UBE2H: variants seen among roughly 807,000 people sequenced by gnomAD.
The protein encoded by UBE2H is ubiquitin-conjugating enzyme E2 H.
Under a neutral mutation model 29.0 loss-of-function variants are expected in UBE2H, and 3 were observed. That is an observed-to-expected ratio of 0.10 (90% CI 0.05 to 0.27). The LOEUF is 0.27. UBE2H is among the 10% of genes least tolerant of loss of function. UBE2H has a pLI of 1.00. For missense variants in UBE2H, 68 were observed against 228.2 expected (o/e 0.30, Z 4.52); for synonymous variants, 69 against 82.9 (o/e 0.83, Z 0.91).
At chr7:129,907,067 G>A (rs879704546) in intron 1 of UBE2H, among the ~76,000 whole-genome samples, 3 of 152,012 alleles carry the variant, frequency 2.0e-5, no homozygotes, top group Non-Finnish European at 2.9e-5. Context: ...CTGAATTTGC[G>A]ACTCACTGAG....
intron 1 of UBE2H, among the ~76,000 whole-genome samples, chr7:129,928,534 T>A (rs1807319763): frequency 6.6e-6 from 1 of 151,966 alleles, no homozygotes; most frequent in Non-Finnish European, 1.5e-5. Context: ...ACTCGGGAGG[T>A]GGAGGTTGCA....
At chr7:129,947,702 G>A (rs1807792755) in intron 1 of UBE2H, among the ~76,000 whole-genome samples, 1 of 152,046 alleles carries the variant, frequency 6.6e-6, no homozygotes, top group African/African-American at 2.4e-5. Context: ...TACTCAAAAA[G>A]GCACTACACA....
chr7:129,874,635 TA>T (rs1806110776), intron 3 of UBE2H, among the ~76,000 whole-genome samples: 1 of 152,180 alleles, frequency 6.6e-6, no homozygotes, highest in South Asian at 2.1e-4. Context: ...AAGACTTTTA[TA>T]TTTTTTTTCC....
At chr7:129,879,168 G>A (rs1287699816) in intron 3 of UBE2H, among the ~76,000 whole-genome samples, 1 of 152,176 alleles carries the variant, frequency 6.6e-6, no homozygotes, top group Non-Finnish European at 1.5e-5. Flanking sequence ...AAAAAGCAAA[G>A]TAGGATCTAG....
At chr7:129,843,837 A>T (rs1332573545) in intron 5 of UBE2H, among the ~76,000 whole-genome samples, 1 of 152,242 alleles carries the variant, frequency 6.6e-6, no homozygotes, top group African/African-American at 2.4e-5. Context: ...CAAAAGGATT[A>T]GCAGCTGGAT....
chr7:129,855,274 A>G (rs1805684061), intron 5 of UBE2H, among the ~76,000 whole-genome samples: 1 of 152,228 alleles, frequency 6.6e-6, no homozygotes, highest in Non-Finnish European at 1.5e-5. Context: ...CAATGGTAAA[A>G]GCTTTAGCAA....
In UBE2H at chr7:129,833,864, C is replaced by T. The variant is rs1173215320; in HGVS notation, c.*1073G>A. The T allele has an allele frequency of 6.6e-6, 1 of 152,156 alleles. No homozygotes were observed. The highest frequency in any genetic ancestry group is 1.5e-5 in the Non-Finnish European group (1 of 68,044). The allele number at this position is 152,156 out of a possible 1,614,324, so 9.4% of individuals were successfully genotyped here. On this transcript the variant is annotated 3_prime_UTR_variant, in exon 7 of 7. Coordinates refer to ENST00000355621, the MANE Select transcript of UBE2H (RefSeq NM_003344.4). ...AGAAAAAGGGAAAACCAAACCAGAACATGAAGGCAAGTACCCAGGGCTTTG... is the reference window on the plus strand; with the variant it reads ...AGAAAAAGGGAAAACCAAACCAGAATATGAAGGCAAGTACCCAGGGCTTTG...
intron 1 of UBE2H, among the ~76,000 whole-genome samples, chr7:129,949,567 GATT>G (rs1412262011): frequency 1.3e-5 from 2 of 152,244 alleles, no homozygotes; most frequent in African/African-American, 2.4e-5. Flanking sequence ...TCACCCAGCA[GATT>G]ATTAAGTGCA....
At chr7:129,911,958 A>G (rs1001363383) in intron 1 of UBE2H, among the ~76,000 whole-genome samples, 3 of 152,094 alleles carry the variant, frequency 2.0e-5, no homozygotes, top group Admixed American at 2.0e-4. Flanking sequence ...ATCATTTTAT[A>G]GCAAAGGATG....
chr7:129,867,899 C>A (rs986094878), intron 3 of UBE2H, among the ~76,000 whole-genome samples: 16 of 152,000 alleles, frequency 1.1e-4, no homozygotes, highest in Non-Finnish European at 2.1e-4. Context: ...ATCTCAGCCT[C>A]ATTTTTTTCC....
At chr7:129,851,674 C>A (rs966783516) in intron 5 of UBE2H, among the ~76,000 whole-genome samples, 1 of 152,186 alleles carries the variant, frequency 6.6e-6, no homozygotes, top group African/African-American at 2.4e-5. Flanking sequence ...AGAGCCATAC[C>A]CTGGCTGGCT....
At chr7:129,905,854 A>G (rs1806805299) in intron 1 of UBE2H, among the ~76,000 whole-genome samples, 1 of 152,144 alleles carries the variant, frequency 6.6e-6, no homozygotes, top group Admixed American at 6.6e-5. Flanking sequence ...GCTACTCAGA[A>G]GGCCAAAGCA....
chr7:129,942,402 G>A (rs182550580), intron 1 of UBE2H, among the ~76,000 whole-genome samples: 233 of 152,096 alleles, frequency 1.5e-3, no homozygotes, highest in Non-Finnish European at 2.8e-3. Context: ...CAGGAGAATC[G>A]CTTGAACCTG....
intron 5 of UBE2H, among the ~76,000 whole-genome samples, chr7:129,852,235 G>C (rs957489167): frequency 2.0e-5 from 3 of 152,182 alleles, no homozygotes; most frequent in African/African-American, 7.2e-5. Flanking sequence ...GCCAAAATCT[G>C]AATTATTTGG....
intron 1 of UBE2H, among the ~76,000 whole-genome samples, chr7:129,886,607 G>A (rs976968756): frequency 6.6e-6 from 1 of 151,932 alleles, no homozygotes; most frequent in Non-Finnish European, 1.5e-5. Context: ...AAGGGAATGA[G>A]GTCCTGGCAT....
At chr7:129,864,053 A>G (rs1003164415) in intron 3 of UBE2H, among the ~76,000 whole-genome samples, 3 of 152,282 alleles carry the variant, frequency 2.0e-5, no homozygotes, top group East Asian at 3.9e-4. Flanking sequence ...TCAGCCTCCA[A>G]AAGTGTGGGG....
chr7:129,886,099 A>T (rs114642610), intron 1 of UBE2H, among the ~76,000 whole-genome samples: 183 of 152,350 alleles, frequency 1.2e-3, no homozygotes, highest in African/African-American at 4.3e-3. Context: ...TAAAAATATA[A>T]AATATCCTTC....
intron 5 of UBE2H, among the ~76,000 whole-genome samples, chr7:129,851,167 A>G (rs1805602609): frequency 2.0e-5 from 3 of 152,228 alleles, no homozygotes; most frequent in East Asian, 1.9e-4. Flanking sequence ...GTGCTACTGC[A>G]TAGATCACAA....
At chr7:129,872,934 A>C (rs1051449502) in intron 3 of UBE2H, among the ~76,000 whole-genome samples, 3 of 150,872 alleles carry the variant, frequency 2.0e-5, no homozygotes, top group East Asian at 3.9e-4. Flanking sequence ...AGGAACTCTG[A>C]CAGGCTGTCC....
Sources: gnomAD v4.1 joint callset for allele counts (sites outside exome capture counted in the v4.1 genomes callset) on GRCh38, gnomAD v4.1.1 for gene constraint, MANE v1.5 for transcripts, NCBI Gene and HGNC (gene_info 2026-07-23, HGNC 2026-07-21) for gene names.